CFAP20DC: variants seen among roughly 807,000 people sequenced by gnomAD.
The protein encoded by CFAP20DC is CFAP20 domain containing.
CFAP20DC carries 84 observed loss-of-function variants against 101.7 expected under a neutral mutation model. The ratio of observed to expected loss-of-function variants is 0.83; its 90% CI spans 0.69 to 0.99. The LOEUF is 0.99. Among genes scored for constraint, CFAP20DC ranks in the 50% least tolerant of loss-of-function variants. The pLI is 0.00. For missense variants in CFAP20DC, 1,007 were observed against 970.3 expected (o/e 1.04, Z -0.50); for synonymous variants, 359 against 351.2 (o/e 1.02, Z -0.25).
chr3:59,011,911 A>G (rs1390283254), intron 4 of CFAP20DC, among the ~76,000 whole-genome samples: 2 of 152,170 alleles, frequency 1.3e-5, no homozygotes, highest in Non-Finnish European at 2.9e-5. Context: ...ATTAATTATG[A>G]ATAATTAATC....
chr3:58,810,693 G>A (rs2074541594), intron 14 of CFAP20DC, among the ~76,000 whole-genome samples: 1 of 148,516 alleles, frequency 6.7e-6, no homozygotes, highest in South Asian at 2.1e-4. Flanking sequence ...AGTGTTGGAA[G>A]TTCTGGCCAG....
At chr3:59,013,943 T>C (rs2093639484) in intron 4 of CFAP20DC, among the ~76,000 whole-genome samples, 1 of 152,200 alleles carries the variant, frequency 6.6e-6, no homozygotes, top group African/African-American at 2.4e-5. Flanking sequence ...ATTTTAAATA[T>C]TTGCCAACAG....
chr3:58,873,488 T>C (rs1471016197), intron 7 of CFAP20DC, among the ~76,000 whole-genome samples: 3 of 145,912 alleles, frequency 2.1e-5, no homozygotes, highest in Non-Finnish European at 4.5e-5. Flanking sequence ...CCAGCTATGC[T>C]GGATGCTGTC....
chr3:58,851,903 G>A (rs773020198), intron 12 of CFAP20DC, among the ~76,000 whole-genome samples: 1 of 152,182 alleles, frequency 6.6e-6, no homozygotes, highest in Non-Finnish European at 1.5e-5. Context: ...GAGCATTGTC[G>A]TGGTGGAGAA....
intron 15 of CFAP20DC, among the ~76,000 whole-genome samples, chr3:58,782,918 T>C (rs567040164): frequency 6.6e-6 from 1 of 152,082 alleles, no homozygotes; most frequent in South Asian, 2.1e-4. Flanking sequence ...ATCCTAAAGT[T>C]TGTATTCAGC....
At chr3:58,969,755 T>C (rs1478857) in intron 4 of CFAP20DC, among the ~76,000 whole-genome samples, 12,222 of 152,208 alleles carry the variant, frequency 0.08, 1,611 homozygotes, top group African/African-American at 0.28. Context: ...GAAAACATTA[T>C]GCTAAGTGAA....
chr3:58,848,976 A>G, intron 13 of CFAP20DC, 56 bp downstream of exon 13: 1 of 1,496,400 alleles, frequency 6.7e-7, no homozygotes, highest in Non-Finnish European at 8.9e-7. Flanking sequence ...GTGGAACAGA[A>G]CGGAACACAG....
At chr3:58,787,151 T>C (rs1399826053) in intron 15 of CFAP20DC, among the ~76,000 whole-genome samples, 1 of 151,898 alleles carries the variant, frequency 6.6e-6, no homozygotes, top group African/African-American at 2.4e-5. Context: ...TGATGAGTAT[T>C]TCTTATTAAC....
chr3:58,977,856 C>G (rs1178819836), intron 4 of CFAP20DC, among the ~76,000 whole-genome samples: 1 of 152,144 alleles, frequency 6.6e-6, no homozygotes, highest in African/African-American at 2.4e-5. Flanking sequence ...TCTCCCCACT[C>G]TACCCTGGTA....
intron 13 of CFAP20DC, among the ~76,000 whole-genome samples, chr3:58,848,508 C>T (rs1297994547): frequency 6.6e-6 from 1 of 152,106 alleles, no homozygotes; most frequent in African/African-American, 2.4e-5. Flanking sequence ...AGGAAAAAAT[C>T]AATCTGATGG....
At position 58,721,515 on chromosome 3, in the gene CFAP20DC, G is replaced by A. The variant is rs974184933; in HGVS notation, c.198-3887C>T. ...ATTTAAGCTGAGATCTGAAGGATAC[G>A]GGGGCATTAATACATGCAACAGGGA... On this transcript the variant is annotated intron_variant, in intron 3 of 3. Transcript: ENST00000486145. The surrounding 1 kb of genome is among the most constrained non-coding windows in gnomAD (Gnocchi z 5.2). Among the ~76,000 whole-genome samples the A allele has an allele frequency of 6.6e-5, 10 of 152,122 alleles. No homozygotes were observed. The highest frequency in any genetic ancestry group is 5.2e-4 in the Admixed American group (8 of 15,274).
At chr3:58,989,314 A>T (rs2092855602) in intron 4 of CFAP20DC, among the ~76,000 whole-genome samples, 1 of 152,186 alleles carries the variant, frequency 6.6e-6, no homozygotes, top group South Asian at 2.1e-4. Context: ...AATATACAGA[A>T]TTAAGATAGC....
intron 4 of CFAP20DC, among the ~76,000 whole-genome samples, chr3:58,996,946 C>A (rs546423245): frequency 1.2e-4 from 18 of 152,262 alleles, no homozygotes; most frequent in African/African-American, 3.6e-4. Context: ...AGGAGCCTGG[C>A]CCCTCCTCTT....
intron 5 of CFAP20DC, among the ~76,000 whole-genome samples, chr3:58,925,614 T>A (rs983791995): frequency 6.6e-6 from 1 of 152,242 alleles, no homozygotes; most frequent in South Asian, 2.1e-4. Flanking sequence ...AATAGTAAAG[T>A]AATAACAACA....
chr3:58,766,761 G>A (rs1023133579), intron 15 of CFAP20DC, among the ~76,000 whole-genome samples: 1 of 152,180 alleles, frequency 6.6e-6, no homozygotes, highest in Admixed American at 6.5e-5. Flanking sequence ...CCTAGAGTGT[G>A]CCATGCTCCC....
At position 58,863,885 on chromosome 3, in the gene CFAP20DC, C is replaced by A. The variant is rs766205138; in HGVS notation, c.1266G>T (p.Trp422Cys). The change falls in exon 12 of 17, where the codon TGG becomes TGT. Residue 422 changes from tryptophan to cysteine, a missense_variant. Physicochemically the swap from Trp to Cys is radical, Grantham distance 215 (BLOSUM62 -2). Coordinates refer to ENST00000482387, the MANE Select transcript of CFAP20DC (RefSeq NM_001394063.1). The surrounding 1 kb of genome is among the most constrained non-coding windows in gnomAD (Gnocchi z 5.9). ...GPQSPDQSDE[W>C]IFPENADHIS... ...TGTGATCAGCATTTTCAGGAAAAAT[C>A]CACTCATCTGACAGTTGGAAAAGAT... 3 of 1,610,394 alleles carry A rather than the reference C, an allele frequency of 1.9e-6. No homozygotes were observed. The highest frequency in any genetic ancestry group is 1.1e-5 in the South Asian group (1 of 90,644).
chr3:58,737,254 A>G, downstream of CFAP20DC: 1 of 456,478 alleles, frequency 2.2e-6, no homozygotes, highest in South Asian at 1.5e-5. This position sits in a 1 kb window ranked among gnomAD's most constrained non-coding sequence, Gnocchi z 4.1. Context: ...AAAAGCAAAG[A>G]AACACACAAA....
intron 6 of CFAP20DC, among the ~76,000 whole-genome samples, chr3:58,886,632 A>G (rs1394639735): frequency 6.6e-6 from 1 of 152,044 alleles, no homozygotes. Flanking sequence ...GAATCACCTG[A>G]GCCTGGGCGG....
downstream of CFAP20DC, among the ~76,000 whole-genome samples, chr3:58,716,454 C>G (rs145164942): frequency 2.8e-4 from 43 of 151,996 alleles, no homozygotes; most frequent in Admixed American, 2.3e-3. Context: ...TGAGCCACCG[C>G]GCCCGGCCTG....
Sources: allele counts gnomAD v4.1 joint callset (sites outside exome capture counted in the v4.1 genomes callset), GRCh38; gene constraint gnomAD v4.1.1; non-coding constraint Gnocchi (gnomAD v3.1); transcripts MANE v1.5; gene names NCBI Gene and HGNC (gene_info 2026-07-23, HGNC 2026-07-21).